Variants in DCC observed in about 807,000 individuals in gnomAD.
The protein encoded by DCC is DCC netrin 1 receptor, also known as netrin receptor DCC.
DCC carries 58 observed loss-of-function variants against 172.5 expected under a neutral mutation model. The observed-to-expected ratio is 0.34, with a 90% confidence interval of 0.27 to 0.42. The LOEUF is 0.42. DCC is among the 10% of genes least tolerant of loss of function. The probability of loss-of-function intolerance (pLI) is 1.00; values close to 1 mark genes in which losing one functional copy is unlikely to be tolerated. For synonymous variants in DCC, 709 were observed against 644.5 expected (o/e 1.10, Z -1.52); for missense variants, 1,740 against 1,791.0 (o/e 0.97, Z 0.51).
intron 1 of DCC, among the ~76,000 whole-genome samples, chr18:52,613,649 A>G (rs2034318149): frequency 6.6e-6 from 1 of 152,192 alleles, no homozygotes; most frequent in East Asian, 1.9e-4. Context: ...TCTAGTAGAC[A>G]TCAATCTATG....
chr18:52,722,469 A>G (rs151044231), intron 1 of DCC, among the ~76,000 whole-genome samples: 2 of 152,322 alleles, frequency 1.3e-5, no homozygotes, highest in Non-Finnish European at 2.9e-5. Context: ...CTACTGAGTT[A>G]GAACATACTA....
At chr18:52,489,238 T>G (rs1277628752) in intron 1 of DCC, among the ~76,000 whole-genome samples, 1 of 152,088 alleles carries the variant, frequency 6.6e-6, no homozygotes, top group East Asian at 1.9e-4. Flanking sequence ...CTCTCCGTAG[T>G]CAACTTTAGG....
intron 1 of DCC, among the ~76,000 whole-genome samples, chr18:52,423,455 C>G (rs1182363870): frequency 2.0e-5 from 3 of 151,926 alleles, no homozygotes; most frequent in Non-Finnish European, 2.9e-5. Flanking sequence ...GTGACTAACT[C>G]AGCTCAAGGC....
intron 2 of DCC, among the ~76,000 whole-genome samples, chr18:52,777,091 T>G: frequency 6.6e-6 from 1 of 152,318 alleles, no homozygotes; most frequent in East Asian, 1.9e-4. Flanking sequence ...CCTTATAAAA[T>G]GTTATTTATC....
At chr18:52,413,521 A>C (rs1026492801) in intron 1 of DCC, among the ~76,000 whole-genome samples, 1 of 152,064 alleles carries the variant, frequency 6.6e-6, no homozygotes, top group Non-Finnish European at 1.5e-5. Context: ...AATTATTTTC[A>C]CAAAATGATA....
intron 5 of DCC, among the ~76,000 whole-genome samples, chr18:53,042,097 A>G (rs954509889): frequency 6.6e-6 from 1 of 152,036 alleles, no homozygotes; most frequent in Non-Finnish European, 1.5e-5. Context: ...TTCAAAGAGA[A>G]TGCTTCCAGC....
chr18:52,488,268 A>T (rs2144598209), intron 1 of DCC, among the ~76,000 whole-genome samples: 1 of 152,248 alleles, frequency 6.6e-6, no homozygotes, highest in East Asian at 1.9e-4. Flanking sequence ...CTGTAGTTCC[A>T]AATATAAATT....
intron 1 of DCC, among the ~76,000 whole-genome samples, chr18:52,462,007 T>C (rs1370893672): frequency 6.6e-6 from 1 of 152,288 alleles, no homozygotes; most frequent in East Asian, 1.9e-4. Context: ...AGGGCAAAAC[T>C]TTGGTACCAT....
intron 1 of DCC, among the ~76,000 whole-genome samples, chr18:52,601,964 C>T (rs926250221): frequency 6.6e-6 from 1 of 152,022 alleles, no homozygotes; most frequent in Non-Finnish European, 1.5e-5. Flanking sequence ...ATGCACTAAG[C>T]TCTTGCTCTT....
chr18:52,637,553 T>A (rs1359443150), intron 1 of DCC, among the ~76,000 whole-genome samples: 1 of 152,038 alleles, frequency 6.6e-6, no homozygotes, highest in African/African-American at 2.4e-5. Context: ...ATTGTACAAG[T>A]AGAACAAAGA....
At chr18:53,102,106 G>A (rs2043182359) in intron 7 of DCC, among the ~76,000 whole-genome samples, 2 of 152,098 alleles carry the variant, frequency 1.3e-5, no homozygotes. Flanking sequence ...TACCAGTGAA[G>A]ACTGCTGAAG....
At chr18:52,602,212 G>A (rs549196638) in intron 1 of DCC, among the ~76,000 whole-genome samples, 17 of 152,104 alleles carry the variant, frequency 1.1e-4, no homozygotes, top group African/African-American at 4.1e-4. Flanking sequence ...AGTCTCTTTG[G>A]TTACCAGAAT....
At chr18:52,828,688 G>A (rs532496107) in intron 2 of DCC, among the ~76,000 whole-genome samples, 1 of 152,222 alleles carries the variant, frequency 6.6e-6, no homozygotes, top group South Asian at 2.1e-4. Context: ...TCACCTCAGA[G>A]GAGTTATAAT....
chr18:52,838,462 T>G (rs1007408613), intron 2 of DCC, among the ~76,000 whole-genome samples: 31 of 152,308 alleles, frequency 2.0e-4, no homozygotes, highest in African/African-American at 5.8e-4. Flanking sequence ...TGTCAGTGAT[T>G]GTACTGGCTG....
chr18:52,811,835 A>G (rs1180757843), intron 2 of DCC, among the ~76,000 whole-genome samples: 4 of 152,158 alleles, frequency 2.6e-5, no homozygotes, highest in Non-Finnish European at 5.9e-5. Flanking sequence ...AATTATCTTT[A>G]TCGTATCAAA....
At chr18:53,459,157 T>C in intron 23 of DCC, 75 bp from the exon 24 acceptor site, 1 of 1,201,560 alleles carries the variant, frequency 8.3e-7, no homozygotes. Flanking sequence ...GCTTCTAACT[T>C]GAATTGACTG....
chr18:53,415,506 C>T (rs2145065574), intron 20 of DCC, among the ~76,000 whole-genome samples: 1 of 152,176 alleles, frequency 6.6e-6, no homozygotes, highest in East Asian at 1.9e-4. Flanking sequence ...AAAAAGTCAT[C>T]TTTAAAACAA....
At chr18:53,190,571 A>C (rs1381884011) in intron 9 of DCC, among the ~76,000 whole-genome samples, 1 of 152,028 alleles carries the variant, frequency 6.6e-6, no homozygotes, top group Non-Finnish European at 1.5e-5. Context: ...TTTTGATAAC[A>C]GTTCTTTAAT....
chr18:52,935,228 T>C (rs1217281741), intron 5 of DCC, among the ~76,000 whole-genome samples: 1 of 152,114 alleles, frequency 6.6e-6, no homozygotes, highest in Non-Finnish European at 1.5e-5. Flanking sequence ...ATTTACATAA[T>C]AGGTCTTGTG....
Sources: gnomAD v4.1 joint callset for allele counts (sites outside exome capture counted in the v4.1 genomes callset) on GRCh38, gnomAD v4.1.1 for gene constraint, MANE v1.5 for transcripts, NCBI Gene and HGNC (gene_info 2026-07-23, HGNC 2026-07-21) for gene names.